The following AFG1L variants were observed in gnomAD, a reference collection of about 807,000 sequenced individuals.
AFG1L encodes the protein AFG1 like ATPase, also known as AFG1-like ATPase.
In AFG1L, 53 loss-of-function variants were observed where a neutral mutation model predicts 62.2. The ratio of observed to expected loss-of-function variants is 0.85; its 90% CI spans 0.68 to 1.07. The LOEUF is 1.07. AFG1L is among the 50% of genes least tolerant of loss of function. The pLI is 0.00. For synonymous variants in AFG1L, 228 were observed against 210.3 expected, an observed-to-expected ratio of 1.08 and a Z score of -0.73; for missense variants, 555 against 590.5, an observed-to-expected ratio of 0.94 and a Z score of 0.62.
chr6:108,511,161 G>GGAAGGAA (rs541781084), intron 11 of AFG1L, among the ~76,000 whole-genome samples: 5 of 151,264 alleles, frequency 3.3e-5, no homozygotes, highest in Non-Finnish European at 5.9e-5. Flanking sequence ...GGAGGTAGGA[G>GGAAGGAA]GAAGGAAGAA....
chr6:108,406,612 AT>A (rs1562139726), intron 7 of AFG1L, among the ~76,000 whole-genome samples: 1 of 151,880 alleles, frequency 6.6e-6, no homozygotes, highest in African/African-American at 2.4e-5. Flanking sequence ...TAATTTTTGT[AT>A]TTTTGGTAGA....
chr6:108,486,131 C>G (rs1773562660), intron 10 of AFG1L, among the ~76,000 whole-genome samples: 1 of 152,130 alleles, frequency 6.6e-6, no homozygotes, highest in Non-Finnish European at 1.5e-5. Flanking sequence ...TGAGAGAAAA[C>G]AAGTCTAATT....
intron 10 of AFG1L, among the ~76,000 whole-genome samples, chr6:108,489,777 C>A (rs772784181): frequency 1.3e-5 from 2 of 152,114 alleles, no homozygotes; most frequent in African/African-American, 2.4e-5. Flanking sequence ...AACCAAAATG[C>A]TACAGGTAGG....
chr6:108,495,135 A>G (rs1287488976), intron 10 of AFG1L, among the ~76,000 whole-genome samples: 1 of 152,172 alleles, frequency 6.6e-6, no homozygotes, highest in Admixed American at 6.5e-5. Flanking sequence ...TAGTCTTAAC[A>G]TCAATTCGTG....
At chr6:108,432,466 G>C (rs147971520) in intron 7 of AFG1L, among the ~76,000 whole-genome samples, 15 of 152,238 alleles carry the variant, frequency 9.9e-5, no homozygotes, top group Non-Finnish European at 2.1e-4. Flanking sequence ...CCCCATTGCG[G>C]AGTAATGGTG....
At position 108,323,921 on chromosome 6, in the gene AFG1L, A is replaced by C; in HGVS notation, c.236A>C (p.Tyr79Ser). 6.2e-7 allele frequency: 1 copy of C among 1,614,188 alleles called. No homozygotes were observed. The highest frequency in any genetic ancestry group is 1.1e-5 in the South Asian group (1 of 91,078). Residue 79 changes from tyrosine (Y) to serine (S), a missense_variant, in exon 2 of 13, where the codon TAT becomes TCT. Transcript: ENST00000368977. ...LAVCHGPLDH[Y>S]DFLIKAHELK... is the part of the protein sequence containing the mutation. ...GTTTGCCATGGACCTCTGGACCACTATGATTTTCTGATCAAAGCTCATGAG... is the reference window on the plus strand; with the variant it reads ...GTTTGCCATGGACCTCTGGACCACTCTGATTTTCTGATCAAAGCTCATGAG...
chr6:108,412,437 A>C (rs973934894), intron 7 of AFG1L, among the ~76,000 whole-genome samples: 18 of 152,182 alleles, frequency 1.2e-4, no homozygotes, highest in Non-Finnish European at 2.2e-4. Flanking sequence ...ACTCCTCGAG[A>C]AGAGCAACTC....
chr6:108,456,491 GA>G (rs1054750460), intron 8 of AFG1L, among the ~76,000 whole-genome samples: 144 of 151,612 alleles, frequency 9.5e-4, no homozygotes, highest in African/African-American at 3.5e-3. Flanking sequence ...GTATTTTTTA[GA>G]AAAAAATTAT....
chr6:108,410,857 T>C (rs1241952748), intron 7 of AFG1L, among the ~76,000 whole-genome samples: 1 of 152,064 alleles, frequency 6.6e-6, no homozygotes, highest in Non-Finnish European at 1.5e-5. Context: ...CAGCTCCCAG[T>C]GTAAGCAATG....
chr6:108,332,348 C>A (rs1247284584), intron 2 of AFG1L, among the ~76,000 whole-genome samples: 1 of 152,096 alleles, frequency 6.6e-6, no homozygotes, highest in Admixed American at 6.6e-5. Context: ...ATTCACTATT[C>A]CATTAAATAG....
intron 11 of AFG1L, among the ~76,000 whole-genome samples, chr6:108,516,824 GT>G (rs1168152863): frequency 3.9e-5 from 6 of 152,246 alleles, no homozygotes; most frequent in East Asian, 1.9e-4. Flanking sequence ...CAAAATCAAT[GT>G]GCAAAAATGA....
chr6:108,482,771 G>T (rs1168542450), intron 10 of AFG1L, among the ~76,000 whole-genome samples: 1 of 152,082 alleles, frequency 6.6e-6, no homozygotes, highest in African/African-American at 2.4e-5. Flanking sequence ...TGGTCTTTGG[G>T]GAATAGACCA....
rs536646165 is a variant in AFG1L, at chr6:108,323,863, G to A, written c.178G>A (p.Ala60Thr). 2 of 1,614,004 alleles carry A rather than the reference G, an allele frequency of 1.2e-6. No individual in the cohort carries two copies. The highest frequency in any genetic ancestry group is 2.2e-5 in the South Asian group (2 of 91,064). Residue 60 changes from alanine (A) to threonine (T), a missense_variant, in exon 2 of 13, where the codon GCC becomes ACC. Transcript: ENST00000368977. ...VQTSESMTPT[A>T]TSETYLKALA... Reference sequence around the variant, plus strand: ...GACATCCGAGAGCATGACCCCAACTGCCACTTCAGAGACTTATTTGAAAGC... The same window carrying A: ...GACATCCGAGAGCATGACCCCAACTACCACTTCAGAGACTTATTTGAAAGC...
At chr6:108,302,873 T>C (rs1267009747) in intron 1 of AFG1L, among the ~76,000 whole-genome samples, 1 of 152,136 alleles carries the variant, frequency 6.6e-6, no homozygotes, top group Non-Finnish European at 1.5e-5. Flanking sequence ...GAAACAATTA[T>C]GCTCCAAATT....
rs1022599979 is a variant in AFG1L, at chr6:108,426,562, A to G, written c.808-20652A>G. Among the ~76,000 whole-genome samples, 3 of 152,280 alleles carry G rather than the reference A, an allele frequency of 2.0e-5. No individual in the cohort carries two copies. The South Asian group carries it at 6.2e-4, about 32-fold the overall frequency. ...GGACTCTGATTTTCTTGGATAAGGT[A>G]AACAGTGGGAGAAGAATGGAATATT... On this transcript the variant is annotated intron_variant, in intron 7 of 12. Coordinates refer to ENST00000368977, the MANE Select transcript of AFG1L (RefSeq NM_145315.5).
At chr6:108,433,829 G>A (rs969156742) in intron 7 of AFG1L, among the ~76,000 whole-genome samples, 31 of 152,164 alleles carry the variant, frequency 2.0e-4, no homozygotes, top group African/African-American at 7.5e-4. Flanking sequence ...CTGATCTCAG[G>A]TGATCTGCCC....
intron 1 of AFG1L, among the ~76,000 whole-genome samples, chr6:108,307,070 A>G (rs185183611): frequency 1.3e-4 from 19 of 149,534 alleles, no homozygotes; most frequent in Non-Finnish European, 1.2e-4. Context: ...CTGGAGTGCA[A>G]TGGCATGATC....
chr6:108,302,033 G>A (rs1321100311), intron 1 of AFG1L, among the ~76,000 whole-genome samples: 1 of 150,612 alleles, frequency 6.6e-6, no homozygotes, highest in Non-Finnish European at 1.5e-5. Context: ...TGCAACCTCC[G>A]TCTCCTGGGT....
At chr6:108,385,958 G>GA (rs969415341) in intron 6 of AFG1L, among the ~76,000 whole-genome samples, 1 of 151,976 alleles carries the variant, frequency 6.6e-6, no homozygotes, top group African/African-American at 2.4e-5. Flanking sequence ...AAGAAATTTA[G>GA]AAAAAATTAG....
Sources: gnomAD v4.1 joint callset for allele counts (sites outside exome capture counted in the v4.1 genomes callset) on GRCh38, gnomAD v4.1.1 for gene constraint, MANE v1.5 for transcripts, NCBI Gene and HGNC (gene_info 2026-07-23, HGNC 2026-07-21) for gene names.